Variants in NWD2 observed in about 807,000 individuals in gnomAD.
NWD2 encodes NACHT and WD repeat domain-containing protein 2.
Under a neutral mutation model 132.7 loss-of-function variants are expected in NWD2, and 37 were observed. That is an observed-to-expected ratio of 0.28 (90% confidence interval 0.21 to 0.37). NWD2 has a LOEUF of 0.37. NWD2 is among the 10% of genes least tolerant of loss of function. The probability of loss-of-function intolerance (pLI) is 1.00; values close to 1 mark genes in which losing one functional copy is unlikely to be tolerated. For synonymous variants in NWD2, 705 were observed against 803.0 expected (o/e 0.88, Z 2.06); for missense variants, 1,592 against 2,122.4 (o/e 0.75, Z 4.91).
chr4:37,432,685 T>C (rs1176968281), intron 4 of NWD2, among the ~76,000 whole-genome samples: 1 of 152,212 alleles, frequency 6.6e-6, no homozygotes, highest in Non-Finnish European at 1.5e-5. Flanking sequence ...AATTTTAACT[T>C]AATATTTTTT....
At chr4:37,267,793 A>G (rs1717787607) in intron 1 of NWD2, among the ~76,000 whole-genome samples, 2 of 151,992 alleles carry the variant, frequency 1.3e-5, no homozygotes, top group South Asian at 2.1e-4. Flanking sequence ...ACAATTAATA[A>G]TAAGTGGGCT....
chr4:37,320,145 A>T (rs1231928576), intron 1 of NWD2, among the ~76,000 whole-genome samples: 1 of 152,072 alleles, frequency 6.6e-6, no homozygotes, highest in Non-Finnish European at 1.5e-5. Flanking sequence ...GTCATCTGTG[A>T]TTTCCTTCAG....
chr4:37,428,151 A>G (rs927624773), intron 3 of NWD2, among the ~76,000 whole-genome samples: 4 of 152,250 alleles, frequency 2.6e-5, no homozygotes, highest in African/African-American at 9.6e-5. Flanking sequence ...ACACAGATCT[A>G]CCAAGGACTT....
At chr4:37,275,369 G>A (rs373083853) in intron 1 of NWD2, among the ~76,000 whole-genome samples, 15 of 152,022 alleles carry the variant, frequency 9.9e-5, no homozygotes, top group African/African-American at 2.9e-4. Context: ...CAACTTACAA[G>A]GGATGTGAAG....
chr4:37,349,901 T>A (rs567361751), intron 2 of NWD2, among the ~76,000 whole-genome samples: 3 of 152,348 alleles, frequency 2.0e-5, no homozygotes, highest in East Asian at 3.9e-4. Flanking sequence ...GTTTTCTGCA[T>A]ATGGCTAGCC....
chr4:37,265,900 G>A (rs1421474281), intron 1 of NWD2, among the ~76,000 whole-genome samples: 1 of 151,942 alleles, frequency 6.6e-6, no homozygotes, highest in Admixed American at 6.6e-5. Context: ...CATCTTTCAG[G>A]GGGCCATTAT....
chr4:37,287,773 C>T (rs982067092), intron 1 of NWD2, among the ~76,000 whole-genome samples: 3 of 152,154 alleles, frequency 2.0e-5, no homozygotes, highest in Admixed American at 6.5e-5. Flanking sequence ...TGAAGCACAC[C>T]CCTTCCACCA....
chr4:37,426,270 C>T (rs1712005540), intron 3 of NWD2, among the ~76,000 whole-genome samples: 1 of 152,100 alleles, frequency 6.6e-6, no homozygotes, highest in African/African-American at 2.4e-5. Flanking sequence ...TTAACTGATT[C>T]ATGATTTATG....
rs777307279 is a variant in NWD2, at chr4:37,443,659, G to C, written c.1671G>C (p.Arg557Ser). ...PNKHGILQKL[R>S]CLIHEEDNYI... ...AACATGGGATCTTGCAGAAACTAAG[G>C]TGCCTTATCCATGAAGAAGACAACT... is the stretch of plus-strand genomic sequence containing the variant. Residue 557 changes from arginine (R) to serine (S), a missense_variant, in exon 7 of 7, where the codon AGG becomes AGC. By Grantham distance (110) the Arg-to-Ser change is moderately radical. Around this residue, in one of 7 missense-constraint regions of NWD2, gnomAD observed 1,071 missense variants for 1,398.0 expected, o/e 0.77. Coordinates refer to ENST00000309447, the MANE Select transcript of NWD2 (RefSeq NM_001144990.2). The surrounding 1 kb of genome is among the most constrained non-coding windows in gnomAD (Gnocchi z 4.1). The C allele has an allele frequency of 1.3e-6, 2 of 1,552,054 alleles. No homozygotes were observed. The highest frequency in any genetic ancestry group is 1.4e-5 in the African/African-American group (1 of 73,126).
chr4:37,402,844 AC>A (rs1373424173), intron 3 of NWD2, among the ~76,000 whole-genome samples: 1 of 152,176 alleles, frequency 6.6e-6, no homozygotes, highest in African/African-American at 2.4e-5. Flanking sequence ...TGTTATTTTA[AC>A]CATCACTATT....
chr4:37,281,212 T>C (rs1718120892), intron 1 of NWD2, among the ~76,000 whole-genome samples: 1 of 152,074 alleles, frequency 6.6e-6, no homozygotes, highest in Non-Finnish European at 1.5e-5. Context: ...CAGTTCAGAT[T>C]TTCCTAGGAA....
chr4:37,446,081 T>C lies in NWD2; in HGVS notation c.4093T>C (p.Leu1365=), dbSNP rs1418934106. The change falls in exon 7 of 7, where the codon TTA becomes CTA. Residue 1365 remains leucine, a synonymous_variant. Transcript: ENST00000309447. This position sits in a 1 kb window ranked among gnomAD's most constrained non-coding sequence, Gnocchi z 6.7. ...KHEGIVEHCV[L]TSTGDIMVTS... ...TGAAGGAATAGTTGAACACTGTGTGTTAACATCCACCGGAGATATAATGGT... is the reference window on the plus strand; with the variant it reads ...TGAAGGAATAGTTGAACACTGTGTGCTAACATCCACCGGAGATATAATGGT... The C allele has an allele frequency of 6.4e-7, 1 of 1,551,638 alleles. No individual in the cohort carries two copies. Among genetic ancestry groups the C allele is most frequent in the African/African-American group, 1.4e-5 (1 of 73,048 alleles).
At chr4:37,418,612 A>C (rs1404264798) in intron 3 of NWD2, among the ~76,000 whole-genome samples, 1 of 130,658 alleles carries the variant, frequency 7.7e-6, no homozygotes, top group East Asian at 2.1e-4. Flanking sequence ...ATGGCACTTA[A>C]ATTCTGTGAT....
At chr4:37,350,047 A>G (rs919832610) in intron 2 of NWD2, among the ~76,000 whole-genome samples, 1 of 152,016 alleles carries the variant, frequency 6.6e-6, no homozygotes, top group African/African-American at 2.4e-5. Flanking sequence ...TGGTCTATAT[A>G]TCTGTTTTGG....
chr4:37,438,823 T>C lies in NWD2; in HGVS notation c.729T>C (p.Phe243=), dbSNP rs1560255898. ...CAGCTATAGAGGATGAGTTTGACTT[T>C]GCTCTGGGAAAACAAACTCCAGCAT... is the stretch of plus-strand genomic sequence containing the variant. ...LFSAIEDEFD[F]ALGKQTPAFL... The change falls in exon 6 of 7, where the codon TTT becomes TTC. Residue 243 remains phenylalanine, a synonymous_variant. Coordinates refer to ENST00000309447, the MANE Select transcript of NWD2 (RefSeq NM_001144990.2). The C allele has an allele frequency of 6.4e-7, 1 of 1,550,780 alleles. No homozygotes were observed.
intron 3 of NWD2, among the ~76,000 whole-genome samples, chr4:37,405,533 T>C (rs1165631017): frequency 6.6e-6 from 1 of 152,164 alleles, no homozygotes; most frequent in Non-Finnish European, 1.5e-5. Flanking sequence ...TTAACAATTA[T>C]TTGGTGAAAG....
chr4:37,339,018 A>C (rs1267284392), intron 2 of NWD2, among the ~76,000 whole-genome samples: 1 of 152,196 alleles, frequency 6.6e-6, no homozygotes, highest in Non-Finnish European at 1.5e-5. Context: ...TGCTTTTGGC[A>C]GTGAAATAGT....
At chr4:37,407,487 C>T (rs1473477659) in intron 3 of NWD2, among the ~76,000 whole-genome samples, 2 of 152,156 alleles carry the variant, frequency 1.3e-5, no homozygotes, top group Non-Finnish European at 2.9e-5. Flanking sequence ...ACTAATGCCA[C>T]TGATCCAGGG....
Position 37,296,231 on chromosome 4 carries a change from G to A in NWD2, c.152-29705G>A, listed in dbSNP as rs564110868. On this transcript the variant is annotated intron_variant, in intron 1 of 6. Transcript: ENST00000309447. ...CTAAGGCTGTGGGGTGCCTTCGGGAGAAAATACACGTGCTAGATAAGCTGC... is the reference window on the plus strand; with the variant it reads ...CTAAGGCTGTGGGGTGCCTTCGGGAAAAAATACACGTGCTAGATAAGCTGC... Among the ~76,000 whole-genome samples, 151 of 152,290 alleles carry A rather than the reference G, an allele frequency of 9.9e-4. 1 individual carries two copies. The highest frequency in any genetic ancestry group is 3.3e-3 in the African/African-American group (139 of 41,548).
Sources: allele counts gnomAD v4.1 joint callset (sites outside exome capture counted in the v4.1 genomes callset), GRCh38; gene constraint gnomAD v4.1.1; regional missense constraint gnomAD v4.1.1; non-coding constraint Gnocchi (gnomAD v3.1); transcripts MANE v1.5; gene names NCBI Gene and HGNC (gene_info 2026-07-23, HGNC 2026-07-21).